Variants in GFRA1 observed in about 807,000 individuals in gnomAD.
GFRA1 encodes GDNF family receptor alpha 1.
In GFRA1, 16 loss-of-function variants were observed where a neutral mutation model predicts 51.6. The observed-to-expected ratio is 0.31, with a 90% CI of 0.21 to 0.47. The LOEUF (loss-of-function observed/expected upper bound fraction) is 0.47, where lower values mean the gene tolerates loss of function less well. GFRA1 is among the 20% of genes least tolerant of loss of function. GFRA1 has a pLI of 1.00. For synonymous variants in GFRA1, 270 were observed against 241.3 expected, an observed-to-expected ratio of 1.12 and a Z score of -1.10; for missense variants, 530 against 594.3, an observed-to-expected ratio of 0.89 and a Z score of 1.13.
Position 116,271,023 on chromosome 10 carries a change from T to G in GFRA1, c.133A>C (p.Lys45Gln). The G allele has an allele frequency of 6.2e-7, 1 of 1,614,156 alleles. No homozygotes were observed. Among genetic ancestry groups the G allele is most frequent in the Non-Finnish European group, 8.5e-7 (1 of 1,179,996 alleles). Residue 45 changes from lysine to glutamine, a missense_variant, in exon 3 of 11, where the codon AAG (lysine) becomes CAG (glutamine). Physicochemically the swap from Lys to Gln is moderately conservative, Grantham distance 53. Coordinates refer to ENST00000355422, the MANE Select transcript of GFRA1 (RefSeq NM_005264.8). ...ACGCACTGCCTTAGCGTGCGGTACTTGGTGCTGCAGCTCTGCTCCTTCAGG... is the reference window on the plus strand; with the variant it reads ...ACGCACTGCCTTAGCGTGCGGTACTGGGTGCTGCAGCTCTGCTCCTTCAGG... ...QCLKEQSCST[K>Q]YRTLRQCVAG...
chr10:116,152,314 C>G (rs1959094968), intron 5 of GFRA1, among the ~76,000 whole-genome samples: 1 of 152,206 alleles, frequency 6.6e-6, no homozygotes, highest in South Asian at 2.1e-4. Context: ...ACATCACCGT[C>G]TTCACAACCT....
intron 4 of GFRA1, among the ~76,000 whole-genome samples, chr10:116,258,991 T>C (rs1190509279): frequency 6.6e-6 from 1 of 152,208 alleles, no homozygotes; most frequent in Non-Finnish European, 1.5e-5. Flanking sequence ...AGTGGTTTCA[T>C]TGAGAACTCT....
At chr10:116,151,429 G>A (rs1012416008) in intron 5 of GFRA1, among the ~76,000 whole-genome samples, 7 of 152,148 alleles carry the variant, frequency 4.6e-5, no homozygotes, top group African/African-American at 1.7e-4. Flanking sequence ...ATGGGGAAGG[G>A]GCACCCCACT....
At chr10:116,251,803 T>C (rs544375421) in intron 4 of GFRA1, among the ~76,000 whole-genome samples, 49 of 151,754 alleles carry the variant, frequency 3.2e-4, no homozygotes, top group African/African-American at 1.2e-3. Flanking sequence ...GTCACCTGGA[T>C]GGGTGGAGGA....
At chr10:116,141,990 A>G (rs1958590907) in intron 5 of GFRA1, among the ~76,000 whole-genome samples, 1 of 152,178 alleles carries the variant, frequency 6.6e-6, no homozygotes, top group South Asian at 2.1e-4. Context: ...CTGGGCTGTT[A>G]GCAGTGAGAA....
intron 5 of GFRA1, among the ~76,000 whole-genome samples, chr10:116,143,937 G>T (rs560474603): frequency 6.6e-6 from 1 of 152,242 alleles, no homozygotes; most frequent in East Asian, 1.9e-4. Context: ...AATGTTCTTT[G>T]TCACTGCTCG....
At chr10:116,116,024 T>C (rs1017781038) in intron 6 of GFRA1, among the ~76,000 whole-genome samples, 3 of 152,180 alleles carry the variant, frequency 2.0e-5, no homozygotes, top group Non-Finnish European at 4.4e-5. Flanking sequence ...CCACCTCCTC[T>C]TCTTCACGTC....
At chr10:116,114,014 C>G (rs985949117) in intron 6 of GFRA1, among the ~76,000 whole-genome samples, 2 of 152,136 alleles carry the variant, frequency 1.3e-5, no homozygotes, top group African/African-American at 4.8e-5. Flanking sequence ...GCAACTCTGC[C>G]CCCGGGTGTG....
chr10:116,194,233 G>A (rs1963540046), intron 5 of GFRA1, among the ~76,000 whole-genome samples: 1 of 151,970 alleles, frequency 6.6e-6, no homozygotes, highest in Non-Finnish European at 1.5e-5. Flanking sequence ...AGTCTCTTAG[G>A]TAAATCAATG....
chr10:116,212,401 T>G (rs1418472689), intron 4 of GFRA1, among the ~76,000 whole-genome samples: 1 of 151,986 alleles, frequency 6.6e-6, no homozygotes, highest in Non-Finnish European at 1.5e-5. Context: ...GTGCCTGTAA[T>G]CCCATCTACT....
At chr10:116,168,492 C>A (rs916186432) in intron 5 of GFRA1, among the ~76,000 whole-genome samples, 1 of 152,160 alleles carries the variant, frequency 6.6e-6, no homozygotes, top group African/African-American at 2.4e-5. Flanking sequence ...TCAGCTATTT[C>A]CTTCTGCAAC....
intron 5 of GFRA1, among the ~76,000 whole-genome samples, chr10:116,141,972 A>C (rs1183526036): frequency 2.0e-5 from 3 of 152,076 alleles, no homozygotes; most frequent in Non-Finnish European, 2.9e-5. Context: ...TAGACAAGAG[A>C]TGTGTAGCTG....
intron 5 of GFRA1, among the ~76,000 whole-genome samples, chr10:116,134,485 C>T (rs570956728): frequency 6.6e-6 from 1 of 152,334 alleles, no homozygotes; most frequent in Admixed American, 6.5e-5. Flanking sequence ...GGTTGTGACC[C>T]TTGTAACTGA....
chr10:116,166,133 C>T (rs1960374462), intron 5 of GFRA1, among the ~76,000 whole-genome samples: 1 of 152,222 alleles, frequency 6.6e-6, no homozygotes, highest in Non-Finnish European at 1.5e-5. Flanking sequence ...TGATCTCAGT[C>T]TTGTTTATGG....
At chr10:116,166,377 G>A (rs1454054246) in intron 5 of GFRA1, among the ~76,000 whole-genome samples, 6 of 152,140 alleles carry the variant, frequency 3.9e-5, no homozygotes, top group Admixed American at 2.0e-4. Context: ...TCACCGCACT[G>A]TCTTCCACAA....
At chr10:116,113,645 TCGGC>T in intron 6 of GFRA1, among the ~76,000 whole-genome samples, 1 of 152,182 alleles carries the variant, frequency 6.6e-6, no homozygotes, top group South Asian at 2.1e-4. Flanking sequence ...AGTGCGGCAT[TCGGC>T]AACATGAGCT....
At chr10:116,174,084 A>C (rs1023996377) in intron 5 of GFRA1, among the ~76,000 whole-genome samples, 1 of 152,092 alleles carries the variant, frequency 6.6e-6, no homozygotes, top group Admixed American at 6.6e-5. Flanking sequence ...CCATTTCAAA[A>C]AAAAAGTCAG....
At chr10:116,190,459 C>T (rs1001008332) in intron 5 of GFRA1, among the ~76,000 whole-genome samples, 4 of 152,314 alleles carry the variant, frequency 2.6e-5, no homozygotes, top group Non-Finnish European at 5.9e-5. Context: ...GGAAAGGGAG[C>T]CTGGGTACAT....
intron 5 of GFRA1, among the ~76,000 whole-genome samples, chr10:116,192,409 C>T (rs1464075278): frequency 6.6e-6 from 1 of 152,192 alleles, no homozygotes; most frequent in East Asian, 1.9e-4. Context: ...CTCAGCATCA[C>T]CACCAGCTCC....
Sources: allele counts gnomAD v4.1 joint callset (sites outside exome capture counted in the v4.1 genomes callset), GRCh38; gene constraint gnomAD v4.1.1; transcripts MANE v1.5; gene names NCBI Gene and HGNC (gene_info 2026-07-23, HGNC 2026-07-21).